NRXN3: variants seen among roughly 807,000 people sequenced by gnomAD.
The protein encoded by NRXN3 is neurexin 3.
NRXN3 carries 32 observed loss-of-function variants against 137.6 expected under a neutral mutation model. The ratio of observed to expected loss-of-function variants is 0.23; its 90% confidence interval spans 0.18 to 0.31. NRXN3 has a LOEUF of 0.31. Ranked by LOEUF, NRXN3 falls within the 10% of genes least tolerant of loss-of-function variation. The probability of loss-of-function intolerance (pLI) is 1.00; values close to 1 mark genes in which losing one functional copy is unlikely to be tolerated. For missense variants in NRXN3, 1,574 were observed against 2,062.5 expected (o/e 0.76, Z 4.59); for synonymous variants, 798 against 784.5 (o/e 1.02, Z -0.29).
chr14:79,818,046 G>GTTTTT (rs55815632), intron 20 of NRXN3, among the ~76,000 whole-genome samples: 12 of 90,248 alleles, frequency 1.3e-4, no homozygotes, highest in African/African-American at 2.6e-4. Flanking sequence ...GTGCACTTGG[G>GTTTTT]TTTTTTTTTT....
chr14:79,392,938 C>G (rs35072598), intron 15 of NRXN3, among the ~76,000 whole-genome samples: 1 of 120,320 alleles, frequency 8.3e-6, no homozygotes, highest in African/African-American at 3.3e-5. Flanking sequence ...CCACTGCACT[C>G]TAGGCTGGGT....
At chr14:79,199,435 C>A (rs1422976063) in intron 15 of NRXN3, among the ~76,000 whole-genome samples, 4 of 152,090 alleles carry the variant, frequency 2.6e-5, no homozygotes, top group African/African-American at 9.7e-5. Flanking sequence ...AGAAGCCACA[C>A]TGAGGATTGA....
intron 10 of NRXN3, among the ~76,000 whole-genome samples, chr14:78,937,574 T>C (rs1457476427): frequency 1.3e-5 from 2 of 152,132 alleles, no homozygotes; most frequent in Non-Finnish European, 2.9e-5. Flanking sequence ...AGTAATAGAG[T>C]GTATTTAGTT....
In NRXN3 at chr14:78,694,652, C is replaced by T. The variant is rs149908208; in HGVS notation, c.1222-14565C>T. Among the ~76,000 whole-genome samples, 230 of 151,928 alleles carry T rather than the reference C, an allele frequency of 1.5e-3. 1 individual carries two copies. The highest frequency in any genetic ancestry group is 5.4e-3 in the African/African-American group (223 of 41,394). On this transcript the variant is annotated intron_variant, in intron 6 of 20. Transcript: ENST00000335750. ...TCTCTGTACTACATAAGCATGTACTCGATGAAGCTTGGGGTCAAAAACCTG... is the reference window on the plus strand; with the variant it reads ...TCTCTGTACTACATAAGCATGTACTTGATGAAGCTTGGGGTCAAAAACCTG...
intron 10 of NRXN3, among the ~76,000 whole-genome samples, chr14:78,876,499 G>A (rs181515140): frequency 6.6e-6 from 1 of 152,284 alleles, no homozygotes; most frequent in East Asian, 1.9e-4. Flanking sequence ...GTAATTATAT[G>A]TGGCAGAGCA....
intron 19 of NRXN3, among the ~76,000 whole-genome samples, chr14:79,702,470 G>A (rs927160950): frequency 6.6e-6 from 1 of 151,990 alleles, no homozygotes; most frequent in Non-Finnish European, 1.5e-5. Flanking sequence ...GTTGTAAAAA[G>A]AGCACAATTG....
intron 4 of NRXN3, among the ~76,000 whole-genome samples, chr14:78,344,096 A>G (rs1422923246): frequency 1.3e-5 from 2 of 152,200 alleles, no homozygotes; most frequent in African/African-American, 2.4e-5. Flanking sequence ...TCCAGGGTCG[A>G]GAAGCACAGC....
intron 4 of NRXN3, among the ~76,000 whole-genome samples, chr14:78,439,645 A>G: frequency 6.6e-6 from 1 of 152,162 alleles, no homozygotes; most frequent in East Asian, 1.9e-4. Context: ...GCATTCTCAT[A>G]GTACTTTTTT....
intron 16 of NRXN3, among the ~76,000 whole-genome samples, chr14:79,546,415 TAAAG>T (rs967171907): frequency 1.3e-5 from 2 of 152,204 alleles, no homozygotes; most frequent in African/African-American, 4.8e-5. Context: ...TAAACCCAGT[TAAAG>T]AAACCAGCCT....
chr14:78,967,350 A>G lies in NRXN3; in HGVS notation c.2920A>G (p.Lys974Glu), dbSNP rs1365401550. 3 of 1,614,018 alleles carry G rather than the reference A, an allele frequency of 1.9e-6. No individual in the cohort carries two copies. Among genetic ancestry groups the G allele is most frequent in the South Asian group, 2.2e-5 (2 of 91,086 alleles). Reference protein sequence around the residue: ...SNTHSLKVDTKVVTQVINGAK... With the variant: ...SNTHSLKVDTEVVTQVINGAK... ...CACTCATAGCCTGAAAGTGGACACC[A>G]AAGTGGTCACTCAGGTTATCAATGG... is the stretch of plus-strand genomic sequence containing the variant. The change falls in exon 13 of 21, where the codon AAA becomes GAA. Residue 974 changes from lysine to glutamate, a missense_variant. This residue lies in a region of NRXN3 where 718 missense variants were observed against 887.6 expected (regional missense o/e 0.81). Transcript: ENST00000335750.
chr14:79,709,997 G>GAAAT (rs1264943175), intron 19 of NRXN3, among the ~76,000 whole-genome samples: 10 of 152,148 alleles, frequency 6.6e-5, no homozygotes, highest in Admixed American at 1.3e-4. Flanking sequence ...GACAAAGAGA[G>GAAAT]AAATAGACAG....
chr14:78,756,027 A>G (rs1186780645), intron 8 of NRXN3, among the ~76,000 whole-genome samples: 1 of 152,208 alleles, frequency 6.6e-6, no homozygotes, highest in Non-Finnish European at 1.5e-5. Context: ...TATGAGAGAT[A>G]TTTCTCACAA....
At chr14:78,274,289 G>T (rs2073245513) in intron 2 of NRXN3, among the ~76,000 whole-genome samples, 2 of 152,164 alleles carry the variant, frequency 1.3e-5, no homozygotes, top group South Asian at 2.1e-4. Flanking sequence ...CTGCAGGGCT[G>T]GGGAGGCCTT....
At position 79,103,976 on chromosome 14, in the gene NRXN3, A is replaced by G. The variant is rs567326414; in HGVS notation, c.3262+115835A>G. On this transcript the variant is annotated intron_variant, in intron 15 of 20. Transcript: ENST00000335750. ...TGTTCATATGTGTACACATGTGCAC[A>G]CATATGAATAGATTCATGTGTACAC... Among the ~76,000 whole-genome samples the G allele has an allele frequency of 2.6e-5, 4 of 152,276 alleles. No homozygotes were observed. In the South Asian group the frequency reaches 8.3e-4, roughly 32 times the overall value.
Position 79,088,256 on chromosome 14 carries a change from G to A in NRXN3, c.3262+100115G>A, listed in dbSNP as rs75885765. 1.3e-3 allele frequency among the ~76,000 whole-genome samples: 196 copies of A among 149,706 alleles called. 5 individuals carry two copies. In the South Asian group the frequency reaches 0.023, roughly 18 times the overall value. On this transcript the variant is annotated intron_variant, in intron 15 of 20. Coordinates refer to ENST00000335750, the MANE Select transcript of NRXN3 (RefSeq NM_001330195.2). ...AAATTGTTTGAACCTCTCTCATTCT[G>A]CTCACCATCTTACCCTTCTCCTTGA...
intron 15 of NRXN3, among the ~76,000 whole-genome samples, chr14:79,058,090 A>G (rs921274779): frequency 6.0e-4 from 92 of 152,066 alleles, no homozygotes; most frequent in Non-Finnish European, 5.4e-4. Flanking sequence ...TGATGCCTCT[A>G]CATTTTCTCT....
intron 15 of NRXN3, among the ~76,000 whole-genome samples, chr14:79,414,520 G>A (rs530204890): frequency 6.5e-4 from 99 of 152,122 alleles, no homozygotes; most frequent in African/African-American, 2.3e-3. Context: ...TAAAGCAATC[G>A]TAGCAAAAAA....
chr14:79,447,183 C>T (rs1309304540), intron 15 of NRXN3, among the ~76,000 whole-genome samples: 4 of 152,164 alleles, frequency 2.6e-5, no homozygotes, highest in East Asian at 1.9e-4. Flanking sequence ...ACCTCCACAT[C>T]GTTCCTTCTG....
At chr14:78,781,025 A>G (rs1471073613) in intron 8 of NRXN3, among the ~76,000 whole-genome samples, 3 of 152,220 alleles carry the variant, frequency 2.0e-5, no homozygotes, top group Non-Finnish European at 2.9e-5. Context: ...AAAAATCTAA[A>G]TCAGAAGAGT....
Sources: gnomAD v4.1 joint callset for allele counts (sites outside exome capture counted in the v4.1 genomes callset) on GRCh38, gnomAD v4.1.1 for gene constraint, gnomAD v4.1.1 regional missense constraint, MANE v1.5 for transcripts, NCBI Gene and HGNC (gene_info 2026-07-23, HGNC 2026-07-21) for gene names.